TSPEAR: variants seen among roughly 807,000 people sequenced by gnomAD.
The protein encoded by TSPEAR is thrombospondin-type laminin G domain and EAR repeat-containing protein.
TSPEAR carries 69 observed loss-of-function variants against 71.6 expected under a neutral mutation model. The observed-to-expected ratio is 0.96, with a 90% CI of 0.79 to 1.18. The LOEUF (loss-of-function observed/expected upper bound fraction) is 1.18, where lower values mean the gene tolerates loss of function less well. Ranked by LOEUF, TSPEAR falls within the 50% of genes most tolerant of loss-of-function variation. TSPEAR has a pLI of 0.00. For synonymous variants in TSPEAR, 402 were observed against 387.2 expected, an observed-to-expected ratio of 1.04 and a Z score of -0.45; for missense variants, 971 against 894.9, an observed-to-expected ratio of 1.09 and a Z score of -1.09.
rs1983586399 is a variant in TSPEAR at position 44,636,650 on chromosome 21, C to A, written c.83-68645G>T. Among the ~76,000 whole-genome samples the A allele has an allele frequency of 2.0e-5, 3 of 152,186 alleles. No homozygotes were observed. The South Asian group carries it at 6.2e-4, about 31-fold the overall frequency. On this transcript the variant is annotated intron_variant, in intron 1 of 11. Transcript: ENST00000323084. ...CCAGACCCCAAGTATCCTCCACTCT[C>A]CACGCAACCCTCACTCCACACCTGC...
At chr21:44,694,550 G>T (rs920760192) in intron 1 of TSPEAR, among the ~76,000 whole-genome samples, 2 of 152,026 alleles carry the variant, frequency 1.3e-5, no homozygotes, top group African/African-American at 4.8e-5. Flanking sequence ...ACTTAAAAAT[G>T]GTTAAAATGG....
chr21:44,592,732 C>T (rs587625437), intron 1 of TSPEAR, among the ~76,000 whole-genome samples: 1 of 152,170 alleles, frequency 6.6e-6, no homozygotes, highest in African/African-American at 2.4e-5. Context: ...TGGGCGGGGC[C>T]TGGTCCCAGC....
chr21:44,655,433 C>T (rs1438923255), intron 1 of TSPEAR, among the ~76,000 whole-genome samples: 4 of 152,290 alleles, frequency 2.6e-5, no homozygotes, highest in East Asian at 1.9e-4. Flanking sequence ...ATGGCTCAGG[C>T]GTGTGACCAC....
In TSPEAR at chr21:44,677,583, G is replaced by T. The variant is rs1287114558; in HGVS notation, c.82+33850C>A. The T allele has an allele frequency of 4.0e-6, 4 of 1,008,754 alleles. No individual in the cohort carries two copies. The African/African-American group carries it at 6.2e-5, about 16-fold the overall frequency. The allele number at this position is 1,008,754 out of a possible 1,614,324, so 62.5% of individuals were successfully genotyped here. ...TGCTTCTTCTGAAAGTGCAGGTGTG[G>T]GTTTTCCTTCATCAATTGCAGGGTG... On this transcript the variant is annotated intron_variant, in intron 1 of 11. Transcript: ENST00000323084.
At chr21:44,654,195 T>C (rs782227786) in intron 1 of TSPEAR, 52 of 1,134,564 alleles carry the variant, frequency 4.6e-5, no homozygotes, top group African/African-American at 7.7e-5. Flanking sequence ...TGTGGGAGGA[T>C]GTGGGGACTG....
Position 44,627,955 on chromosome 21 carries a change from T to C in TSPEAR, c.83-59950A>G, listed in dbSNP as rs1332967697. ...CACCTCCTCCCGCCAGCCCAGCTAT[T>C]GCCGCCAGGCCTCCTGTGTGTCCCT... On this transcript the variant is annotated intron_variant, in intron 1 of 11. Transcript: ENST00000323084. The C allele has an allele frequency of 6.6e-6, 10 of 1,517,484 alleles. 1 individual carries two copies. In the Admixed American group the frequency reaches 1.4e-4, roughly 21 times the overall value. 94.0% of individuals were successfully genotyped at this position (1,517,484 alleles called of 1,614,324 possible). A position where few individuals can be genotyped will look rare whatever the true frequency, so the allele number is the denominator to read the frequency against.
At chr21:44,692,308 C>A (rs1421296945) in intron 1 of TSPEAR, among the ~76,000 whole-genome samples, 1 of 152,126 alleles carries the variant, frequency 6.6e-6, no homozygotes, top group Non-Finnish European at 1.5e-5. Context: ...GACAGGATGT[C>A]CCTTTTCACC....
Position 44,499,021 on chromosome 21 carries a change from C to T in TSPEAR, c.*762G>A, listed in dbSNP as rs1275777586. On this transcript the variant is annotated 3_prime_UTR_variant, in exon 12 of 12. Coordinates refer to ENST00000323084, the MANE Select transcript of TSPEAR (RefSeq NM_144991.3). ...GCCAGCACACAGGCAGACGGAGGCA[C>T]GCAGCCTGAGTCCCAGTCAGCTGGA... 2.0e-5 allele frequency: 3 copies of T among 152,232 alleles called. No individual in the cohort carries two copies. Among genetic ancestry groups the T allele is most frequent in the South Asian group, 2.1e-4 (1 of 4,826 alleles). 9.4% of individuals were successfully genotyped at this position (152,232 alleles called of 1,614,324 possible). A position where few individuals can be genotyped will look rare whatever the true frequency, so the allele number is the denominator to read the frequency against.
At chr21:44,703,850 C>T (rs1475272624) in intron 1 of TSPEAR, among the ~76,000 whole-genome samples, 5 of 152,152 alleles carry the variant, frequency 3.3e-5, no homozygotes, top group African/African-American at 9.7e-5. Flanking sequence ...GCCGCCTCCT[C>T]ACCTGCTGTC....
chr21:44,645,358 C>CT (rs34384761), intron 1 of TSPEAR, among the ~76,000 whole-genome samples: 1,628 of 130,828 alleles, frequency 0.012, 26 homozygotes, highest in African/African-American at 0.036. Context: ...GGCCACTTAG[C>CT]TTTTTTTTTT....
At chr21:44,675,960 G>C in intron 1 of TSPEAR, 1 of 820,886 alleles carries the variant, frequency 1.2e-6, no homozygotes, top group Non-Finnish European at 2.2e-6. Flanking sequence ...AGGGTTATTC[G>C]GGCTTCCTTC....
rs2145897259 is a variant in TSPEAR at position 44,498,768 on chromosome 21, C to G, written c.*1015G>C. On this transcript the variant is annotated 3_prime_UTR_variant, in exon 12 of 12. Coordinates refer to ENST00000323084, the MANE Select transcript of TSPEAR (RefSeq NM_144991.3). ...CCTGGAAGACCGTGGCAGGTGTGGTCTGGGCTGCGTGGCCCCGGAGCCTGC... is the reference window on the plus strand; with the variant it reads ...CCTGGAAGACCGTGGCAGGTGTGGTGTGGGCTGCGTGGCCCCGGAGCCTGC... 6.6e-6 allele frequency: 1 copy of G among 152,410 alleles called. No individual in the cohort carries two copies. Among genetic ancestry groups the G allele is most frequent in the East Asian group, 1.9e-4 (1 of 5,184 alleles). 9.4% of individuals were successfully genotyped at this position (152,410 alleles called of 1,614,324 possible).
rs1315126523 is a variant in TSPEAR, at chr21:44,509,327, CACAGCGAGGAA to C, written c.1615_1625del (p.Phe539GlyfsTer15). On this transcript the variant is annotated frameshift_variant, in exon 10 of 12. Coordinates refer to ENST00000323084, the MANE Select transcript of TSPEAR (RefSeq NM_144991.3). LOFTEE classifies it high-confidence loss of function. ...CCACATCGTAGCTGTGACTGTTTGCCACAGCGAGGAAGATCCTCTCCCCGATCTGGAAGACC... is the reference window on the plus strand; with the variant it reads ...CCACATCGTAGCTGTGACTGTTTGCCGATCCTCTCCCCGATCTGGAAGACC... 4 of 1,613,916 alleles carry C rather than the reference CACAGCGAGGAA, an allele frequency of 2.5e-6. No individual in the cohort carries two copies. Among genetic ancestry groups the C allele is most frequent in the Non-Finnish European group, 3.4e-6 (4 of 1,180,020 alleles).
At chr21:44,648,089 C>T (rs1555940648) in intron 1 of TSPEAR, among the ~76,000 whole-genome samples, 1 of 152,214 alleles carries the variant, frequency 6.6e-6, no homozygotes, top group East Asian at 1.9e-4. Flanking sequence ...GTTTGAGGGC[C>T]ACTCTGTGTG....
intron 2 of TSPEAR, chr21:44,538,952 G>A (rs1240567058): frequency 2.0e-5 from 9 of 445,274 alleles, no homozygotes; most frequent in East Asian, 3.8e-5. Flanking sequence ...AAAACCATGT[G>A]TCCCCCAGGA....
At chr21:44,665,846 C>T (rs1163496233) in intron 1 of TSPEAR, among the ~76,000 whole-genome samples, 1 of 152,228 alleles carries the variant, frequency 6.6e-6, no homozygotes, top group African/African-American at 2.4e-5. Context: ...GGAAACAGGA[C>T]GTCCACCAAC....
chr21:44,590,254 G>A (rs233293), intron 1 of TSPEAR, among the ~76,000 whole-genome samples: 36,266 of 152,240 alleles, frequency 0.24, 4,376 homozygotes, highest in East Asian at 0.3. Flanking sequence ...AGAGTGCAGC[G>A]GCTCGTACCA....
At chr21:44,600,595 C>T in intron 1 of TSPEAR, 2 of 1,600,824 alleles carry the variant, frequency 1.2e-6, no homozygotes, top group Non-Finnish European at 1.7e-6. Flanking sequence ...CCCACTCACT[C>T]CCATCTCCTC....
intron 9 of TSPEAR, among the ~76,000 whole-genome samples, chr21:44,521,243 C>T (rs2052727031): frequency 6.6e-6 from 1 of 152,214 alleles, no homozygotes; most frequent in South Asian, 2.1e-4. Context: ...GGGAGATGCG[C>T]CCCCACCTGT....
Sources: allele counts gnomAD v4.1 joint callset (sites outside exome capture counted in the v4.1 genomes callset), GRCh38; gene constraint gnomAD v4.1.1; transcripts MANE v1.5; gene names NCBI Gene and HGNC (gene_info 2026-07-23, HGNC 2026-07-21).